FAT3: variants seen among roughly 807,000 people sequenced by gnomAD.
FAT3 encodes the protein protocadherin Fat 3.
FAT3 carries 95 observed loss-of-function variants against 310.2 expected under a neutral mutation model. The observed-to-expected ratio is 0.31, with a 90% CI of 0.26 to 0.36. The LOEUF (loss-of-function observed/expected upper bound fraction) is 0.36, where lower values mean the gene tolerates loss of function less well. Among genes scored for constraint, FAT3 ranks in the 10% least tolerant of loss-of-function variants. The pLI is 1.00. For synonymous variants in FAT3, 2,314 were observed against 2,192.9 expected (o/e 1.06, Z -1.54); for missense variants, 5,408 against 5,715.6 (o/e 0.95, Z 1.74).
At position 92,573,126 on chromosome 11, in the gene FAT3, C is replaced by T. The variant is rs115665814; in HGVS notation, c.3607+48178C>T. Among the ~76,000 whole-genome samples the T allele has an allele frequency of 5.5e-3, 844 of 152,290 alleles. 5 individuals are homozygous for T. The highest frequency in any genetic ancestry group is 0.019 in the African/African-American group (801 of 41,560). The stretch of plus-strand genomic sequence containing the variant: ...CTGTGTTTTAGGACTTATGCAGGTG[C>T]TATCAGGACAGCAATGAGAAAGGAT... On this transcript the variant is annotated intron_variant, in intron 3 of 27. Transcript: ENST00000525166.
At chr11:92,479,797 G>A (rs1363327313) in intron 2 of FAT3, among the ~76,000 whole-genome samples, 1 of 152,120 alleles carries the variant, frequency 6.6e-6, no homozygotes, top group African/African-American at 2.4e-5. Context: ...TTACTCCCAA[G>A]TGTAACTCCT....
Position 92,785,014 on chromosome 11 carries a change from A to G in FAT3, c.4336-4929A>G, listed in dbSNP as rs80058423. Among the ~76,000 whole-genome samples, 56 of 151,932 alleles carry G rather than the reference A, an allele frequency of 3.7e-4. No homozygotes were observed. The East Asian group carries it at 0.01, about 28-fold the overall frequency. On this transcript the variant is annotated intron_variant, in intron 7 of 27. Coordinates refer to ENST00000525166, the MANE Select transcript of FAT3 (RefSeq NM_001367949.2). ...TTCTGCAAATACAGTGGAGATAAGA[A>G]CAATACCCAAAACTTTACTGGCACA...
chr11:92,310,135 T>C lies in FAT3; in HGVS notation c.-17-41961T>C, dbSNP rs569821387. 3.3e-5 allele frequency among the ~76,000 whole-genome samples: 5 copies of C among 152,304 alleles called. No individual in the cohort carries two copies. The East Asian group carries it at 9.7e-4, about 29-fold the overall frequency. On this transcript the variant is annotated intron_variant, in intron 1 of 27. Coordinates refer to ENST00000525166, the MANE Select transcript of FAT3 (RefSeq NM_001367949.2). Reference sequence around the variant, plus strand: ...GACTAGTAAAGAAATGTAGTGTATGTGTAGTCAATCTTTTCAATGATTTCT... The same window carrying C: ...GACTAGTAAAGAAATGTAGTGTATGCGTAGTCAATCTTTTCAATGATTTCT...
chr11:92,444,825 C>T (rs984245795), intron 2 of FAT3, among the ~76,000 whole-genome samples: 2 of 152,126 alleles, frequency 1.3e-5, no homozygotes, highest in African/African-American at 4.8e-5. Context: ...TTAGCAGAAA[C>T]TACACATTTG....
intron 3 of FAT3, among the ~76,000 whole-genome samples, chr11:92,556,682 A>G (rs1223456574): frequency 6.6e-6 from 1 of 152,198 alleles, no homozygotes; most frequent in East Asian, 1.9e-4. Flanking sequence ...AAGTTTCCAC[A>G]CGCAATTTAT....
chr11:92,823,392 T>C (rs566126744), intron 13 of FAT3, among the ~76,000 whole-genome samples: 6 of 152,200 alleles, frequency 3.9e-5, no homozygotes, highest in Admixed American at 3.9e-4. Flanking sequence ...TGCAGCTTTT[T>C]AGGTATCACA....
At chr11:92,880,907 C>T (rs2136399801) in intron 23 of FAT3, 23 bp downstream of exon 23, 1 of 1,609,710 alleles carries the variant, frequency 6.2e-7, no homozygotes, top group Non-Finnish European at 8.5e-7. Context: ...ACATAAGTGT[C>T]TTTCTCTACA....
At chr11:92,797,132 C>G (rs1220377113) in intron 9 of FAT3, among the ~76,000 whole-genome samples, 6 of 152,132 alleles carry the variant, frequency 3.9e-5, no homozygotes. Flanking sequence ...TGTGTGTGTT[C>G]AGAAGCATGA....
intron 4 of FAT3, among the ~76,000 whole-genome samples, chr11:92,709,064 G>C (rs899906590): frequency 1.3e-5 from 2 of 152,116 alleles, no homozygotes; most frequent in African/African-American, 4.8e-5. Flanking sequence ...AAGCATCCAG[G>C]AGCTCCATAA....
chr11:92,667,980 G>GAAGGGTAAC (rs1943009684), intron 3 of FAT3, among the ~76,000 whole-genome samples: 1 of 152,222 alleles, frequency 6.6e-6, no homozygotes, highest in Non-Finnish European at 1.5e-5. Flanking sequence ...CTGTCTCAGG[G>GAAGGGTAAC]AAGGGTAACA....
At chr11:92,442,109 A>ATTTTTTTTTTTTTTTTTTTTTTTTTT (rs1258493776) in intron 2 of FAT3, among the ~76,000 whole-genome samples, 1 of 50,090 alleles carries the variant, frequency 2.0e-5, no homozygotes, top group African/African-American at 1.5e-4. Flanking sequence ...ATATATATAT[A>ATTTTTTTTTTTTTTTTTTTTTTTTTT]TATTTTTTTT....
chr11:92,446,601 T>C (rs561280461), intron 2 of FAT3, among the ~76,000 whole-genome samples: 2 of 152,262 alleles, frequency 1.3e-5, no homozygotes, highest in East Asian at 3.9e-4. Context: ...TTCAAGGTGA[T>C]TGATTCCTTT....
chr11:92,475,418 C>A (rs575587045), intron 2 of FAT3, among the ~76,000 whole-genome samples: 28 of 151,630 alleles, frequency 1.8e-4, no homozygotes, highest in Admixed American at 7.2e-4. Context: ...AGGATGCTAC[C>A]CTGGCTTTTT....
chr11:92,290,475 G>T (rs1367002544), intron 1 of FAT3, among the ~76,000 whole-genome samples: 1 of 152,100 alleles, frequency 6.6e-6, no homozygotes, highest in Non-Finnish European at 1.5e-5. Flanking sequence ...TAATAAGAGA[G>T]GCCAGGCGTA....
chr11:92,661,187 G>A (rs1335653064), intron 3 of FAT3, among the ~76,000 whole-genome samples: 1 of 152,186 alleles, frequency 6.6e-6, no homozygotes, highest in Non-Finnish European at 1.5e-5. Flanking sequence ...GCAGAAGAAG[G>A]GTGGCTTTCC....
chr11:92,496,389 C>T (rs1179558437), intron 2 of FAT3, among the ~76,000 whole-genome samples: 7 of 152,002 alleles, frequency 4.6e-5, no homozygotes, highest in Admixed American at 4.6e-4. Context: ...TAACCTGGGA[C>T]CACACTTTTT....
At chr11:92,834,472 A>G (rs192042630) in intron 14 of FAT3, among the ~76,000 whole-genome samples, 4 of 152,256 alleles carry the variant, frequency 2.6e-5, no homozygotes, top group East Asian at 3.8e-4. Flanking sequence ...AGGTCATACC[A>G]TCACATCCCC....
chr11:92,469,521 T>C (rs1332208945), intron 2 of FAT3, among the ~76,000 whole-genome samples: 1 of 146,662 alleles, frequency 6.8e-6, no homozygotes, highest in African/African-American at 2.5e-5. Flanking sequence ...TAATTTGTGA[T>C]TTTTTTTTTT....
rs183244604 is a variant in FAT3 at position 92,594,345 on chromosome 11, A to C, written c.3607+69397A>C. The stretch of plus-strand genomic sequence containing the variant: ...GTAATCCCAGCTACTCAGGAGGCTA[A>C]GGCAGGAGAATCACTGAACCCAGGA... On this transcript the variant is annotated intron_variant, in intron 3 of 27. Transcript: ENST00000525166. 1.7e-4 allele frequency among the ~76,000 whole-genome samples: 26 copies of C among 152,276 alleles called. No individual in the cohort carries two copies. The East Asian group carries it at 5.0e-3, about 29-fold the overall frequency.
Sources: gnomAD v4.1 joint callset for allele counts (sites outside exome capture counted in the v4.1 genomes callset) on GRCh38, gnomAD v4.1.1 for gene constraint, MANE v1.5 for transcripts, NCBI Gene and HGNC (gene_info 2026-07-23, HGNC 2026-07-21) for gene names.